ZNF821: variants seen among roughly 807,000 people sequenced by gnomAD.
ZNF821 encodes zinc finger protein 821.
Under a neutral mutation model 44.3 loss-of-function variants are expected in ZNF821, and 16 were observed. The ratio of observed to expected loss-of-function variants is 0.36; its 90% CI spans 0.24 to 0.55. ZNF821 has a LOEUF of 0.55. Ranked by LOEUF, ZNF821 falls within the 20% of genes least tolerant of loss-of-function variation. The pLI is 0.86. For missense variants in ZNF821, 436 were observed against 547.6 expected, an observed-to-expected ratio of 0.80 and a Z score of 2.03; for synonymous variants, 204 against 197.6, an observed-to-expected ratio of 1.03 and a Z score of -0.27.
chr16:71,887,718 T>A (rs1262893332), upstream of ZNF821, among the ~76,000 whole-genome samples: 1 of 152,234 alleles, frequency 6.6e-6, no homozygotes, highest in Non-Finnish European at 1.5e-5. Context: ...CCCTAGTGGA[T>A]ATAAAGTCAT....
upstream of ZNF821, among the ~76,000 whole-genome samples, chr16:71,886,050 G>C (rs569040334): frequency 1.8e-4 from 27 of 152,286 alleles, no homozygotes; most frequent in Admixed American, 1.6e-3. Flanking sequence ...AACAGGTAAA[G>C]TTTGCCTCCA....
At position 71,864,132 on chromosome 16, in the gene ZNF821, C is replaced by G. The variant is rs750455236; in HGVS notation, c.417+6G>C. On this transcript the variant is annotated splice_donor_region_variant and intron_variant, in intron 6 of 7. Transcript: ENST00000425432. ...GTTCCAGAGCACACAGCTCCCCCAT[C>G]CATACCTGGTACACGTGAGCAATCA... is the stretch of plus-strand genomic sequence containing the variant. The G allele has an allele frequency of 2.5e-6, 4 of 1,613,044 alleles. No individual in the cohort carries two copies. In the African/African-American group the frequency reaches 5.3e-5, roughly 22 times the overall value.
At chr16:71,877,995 T>C (rs1013185532) in intron 3 of ZNF821, among the ~76,000 whole-genome samples, 4 of 147,862 alleles carry the variant, frequency 2.7e-5, no homozygotes, top group East Asian at 1.9e-4. Flanking sequence ...TATATATATA[T>C]ACACACATAT....
chr16:71,876,364 C>T (rs1192502009), intron 3 of ZNF821, among the ~76,000 whole-genome samples: 2 of 152,006 alleles, frequency 1.3e-5, no homozygotes, highest in African/African-American at 2.4e-5. Flanking sequence ...CCACTGCACC[C>T]GGCTAATTTT....
At chr16:71,876,227 G>A (rs749062210) in intron 3 of ZNF821, among the ~76,000 whole-genome samples, 15 of 151,952 alleles carry the variant, frequency 9.9e-5, no homozygotes, top group Non-Finnish European at 1.6e-4. Context: ...TTTTTGAGAC[G>A]GGGTCTTGCT....
intron 1 of ZNF821, among the ~76,000 whole-genome samples, chr16:71,892,341 A>C (rs2036891297): frequency 6.6e-6 from 1 of 150,924 alleles, no homozygotes; most frequent in Non-Finnish European, 1.5e-5. Flanking sequence ...ATCTCGGCTC[A>C]CTGCAAGCTC....
intron 1 of ZNF821, among the ~76,000 whole-genome samples, chr16:71,893,425 G>GTGCTAGGATTAC (rs1323671632): frequency 6.6e-6 from 1 of 151,482 alleles, no homozygotes; most frequent in Admixed American, 6.6e-5. Flanking sequence ...GCCTCCCAAA[G>GTGCTAGGATTAC]TGCTAGGATT....
Position 71,861,881 on chromosome 16 carries a change from C to T in ZNF821, c.479G>A (p.Ser160Asn). ...GTGGCGACCCAATGACCCCGGGGAG[C>T]TAAGGGCCCGGCCACAGACAGGACA... ...YMCPVCGRAL[S>N]SPGSLGRHLL... The change falls in exon 7 of 8, where the codon AGC becomes AAC. Residue 160 changes from serine to asparagine, a missense_variant. Physicochemically the swap from Ser to Asn is conservative, Grantham distance 46 (BLOSUM62 1). This residue lies in a region of ZNF821 where 238 missense variants were observed against 281.4 expected (regional missense o/e 0.85). Transcript: ENST00000425432. The T allele has an allele frequency of 3.1e-6, 5 of 1,614,182 alleles. No homozygotes were observed. Among genetic ancestry groups the T allele is most frequent in the Non-Finnish European group, 4.2e-6 (5 of 1,180,036 alleles).
Position 71,860,407 on chromosome 16 carries a change from G to A in ZNF821, c.850C>T (p.Arg284Trp). The change falls in exon 8 of 8, where the codon CGG (arginine) becomes TGG (tryptophan). Residue 284 changes from arginine to tryptophan, a missense_variant. Around this residue, in one of 5 missense-constraint regions of ZNF821, gnomAD observed 72 missense variants for 133.3 expected, o/e 0.54. Coordinates refer to ENST00000425432, the MANE Select transcript of ZNF821 (RefSeq NM_001201552.2). The surrounding 1 kb of genome is among the most constrained non-coding windows in gnomAD (Gnocchi z 7.3). ...TCCTCGGGGGTCTCATTGTCCCGCCGGCTCTTCTTGGCCGTGCGCTCTCGT... is the reference window on the plus strand; with the variant it reads ...TCCTCGGGGGTCTCATTGTCCCGCCAGCTCTTCTTGGCCGTGCGCTCTCGT... The part of the protein sequence containing the change: ...LERERTAKKS[R>W]RDNETPEERE... 6.2e-7 allele frequency: 1 copy of A among 1,612,850 alleles called. No homozygotes were observed. The highest frequency in any genetic ancestry group is 8.5e-7 in the Non-Finnish European group (1 of 1,180,020).
chr16:71,894,739 G>C, intron 1 of ZNF821: 1 of 662,496 alleles, frequency 1.5e-6, no homozygotes, highest in Non-Finnish European at 2.5e-6. Context: ...TTTCACTATG[G>C]TGTCCAGGCT....
At chr16:71,867,424 C>T (rs1308724993) in intron 4 of ZNF821, among the ~76,000 whole-genome samples, 2 of 152,140 alleles carry the variant, frequency 1.3e-5, no homozygotes, top group Non-Finnish European at 2.9e-5. Context: ...CAGTGGCTCA[C>T]GCCTATAATC....
chr16:71,872,720 C>T (rs553697860), intron 3 of ZNF821, among the ~76,000 whole-genome samples: 107 of 152,308 alleles, frequency 7.0e-4, no homozygotes, highest in Middle Eastern at 3.4e-3. Flanking sequence ...TTGTAATCCA[C>T]GGTGCTATCC....
chr16:71,889,874 T>C (rs1023946019), intron 1 of ZNF821, among the ~76,000 whole-genome samples: 4 of 152,074 alleles, frequency 2.6e-5, no homozygotes, highest in African/African-American at 9.7e-5. Context: ...GGGAGGATCA[T>C]CTGGGCCCAA....
rs2034358211 is a variant in ZNF821, at chr16:71,864,903, C to G, written c.312G>C (p.Glu104Asp). ...PVGGNEVVEH[E>D]VTGNLNSDPL... is the part of the protein sequence containing the mutation. ...GGACCCAGGGGCCATCGTCACTTGC[C>G]TCGTGCTCTACCACTTCGTTCCCAC... The change falls in exon 5 of 8, where the codon GAG (glutamate) becomes GAC (aspartate). Residue 104 changes from glutamate to aspartate, a missense_variant and splice_region_variant. Glu to Asp is a conservative substitution (Grantham distance 45). Transcript: ENST00000425432. 6.2e-7 allele frequency: 1 copy of G among 1,613,984 alleles called. No individual in the cohort carries two copies. Among genetic ancestry groups the G allele is most frequent in the Non-Finnish European group, 8.5e-7 (1 of 1,179,996 alleles).
intron 6 of ZNF821, 87 bp downstream of exon 6, chr16:71,864,051 G>A (rs766123737): frequency 1.7e-6 from 2 of 1,186,376 alleles, no homozygotes; most frequent in Non-Finnish European, 2.5e-6. Flanking sequence ...TCAGGAGCCA[G>A]AGAGAGACAA....
intron 5 of ZNF821, chr16:71,864,629 T>A: frequency 2.2e-6 from 1 of 459,364 alleles, no homozygotes; most frequent in Non-Finnish European, 3.9e-6. Flanking sequence ...GCTTTCTACT[T>A]CAACAAAGTT....
upstream of ZNF821, among the ~76,000 whole-genome samples, chr16:71,884,381 C>T (rs1037158593): frequency 2.0e-5 from 3 of 152,046 alleles, no homozygotes; most frequent in East Asian, 5.8e-4. Context: ...GCTCCGGAAC[C>T]CCCCGCCTCG....
At chr16:71,875,902 A>T (rs1006658930) in intron 3 of ZNF821, among the ~76,000 whole-genome samples, 5 of 152,142 alleles carry the variant, frequency 3.3e-5, no homozygotes, top group African/African-American at 1.2e-4. Flanking sequence ...CCTAGCCTCC[A>T]TCTATTTTTC....
intron 3 of ZNF821, among the ~76,000 whole-genome samples, chr16:71,875,701 A>T (rs543703907): frequency 1.3e-4 from 20 of 152,114 alleles, no homozygotes; most frequent in African/African-American, 4.8e-4. Context: ...TGACCTCGTG[A>T]TCCGCCGGCC....
Sources: gnomAD v4.1 joint callset for allele counts (sites outside exome capture counted in the v4.1 genomes callset) on GRCh38, gnomAD v4.1.1 for gene constraint, gnomAD v4.1.1 regional missense constraint, Gnocchi (gnomAD v3.1) non-coding constraint, MANE v1.5 for transcripts, NCBI Gene and HGNC (gene_info 2026-07-23, HGNC 2026-07-21) for gene names.